STEAP1B: variants seen among roughly 807,000 people sequenced by gnomAD.
The protein encoded by STEAP1B is STEAP family protein MGC87042.
In STEAP1B, 13 loss-of-function variants were observed where a neutral mutation model predicts 27.9. The observed-to-expected ratio is 0.47, with a 90% CI of 0.30 to 0.74. The LOEUF is 0.74. Ranked by LOEUF, STEAP1B falls within the 30% of genes least tolerant of loss-of-function variation. STEAP1B has a pLI of 0.06. For synonymous variants in STEAP1B, 86 were observed against 107.1 expected (o/e 0.80, Z 1.22); for missense variants, 250 against 298.7 (o/e 0.84, Z 1.20).
rs569114359 is a variant in STEAP1B, at chr7:22,444,967, G to A, written c.763-25131C>T. On this transcript the variant is annotated intron_variant, in intron 4 of 4. Transcript: ENST00000678116. ...ACCAGAGCGAGCTCTGGGTCTGTCC[G>A]CGTGGCACAAGGAGAGCTGTTAGAT... is the stretch of plus-strand genomic sequence containing the variant. Among the ~76,000 whole-genome samples the A allele has an allele frequency of 6.6e-5, 10 of 152,278 alleles. No homozygotes were observed. In the South Asian group the frequency reaches 1.9e-3, roughly 28 times the overall value.
chr7:22,424,882 C>T (rs1785086729), intron 4 of STEAP1B, among the ~76,000 whole-genome samples: 1 of 95,224 alleles, frequency 1.1e-5, no homozygotes, highest in Non-Finnish European at 2.2e-5. Flanking sequence ...CACCAGAGTA[C>T]AAATTGTTAA....
chr7:22,474,346 C>A (rs1583649004), intron 4 of STEAP1B, among the ~76,000 whole-genome samples: 1 of 152,162 alleles, frequency 6.6e-6, no homozygotes, highest in Non-Finnish European at 1.5e-5. Flanking sequence ...CTGGTACCTA[C>A]CTGCAGAGAT....
At chr7:22,494,945 T>C (rs1409440771) in intron 1 of STEAP1B, 59 bp from the exon 2 acceptor site, 34 of 882,476 alleles carry the variant, frequency 3.9e-5, no homozygotes, top group Middle Eastern at 5.2e-4. Flanking sequence ...GAATGTCTGA[T>C]GTAACAATAT....
intron 4 of STEAP1B, among the ~76,000 whole-genome samples, chr7:22,456,447 C>G (rs534706722): frequency 6.6e-6 from 1 of 152,292 alleles, no homozygotes; most frequent in East Asian, 1.9e-4. Flanking sequence ...AAAGCAGGAG[C>G]CAACCATTCT....
intron 4 of STEAP1B, among the ~76,000 whole-genome samples, chr7:22,444,067 G>A (rs1371461596): frequency 6.6e-6 from 1 of 152,188 alleles, no homozygotes; most frequent in Admixed American, 6.5e-5. Flanking sequence ...AGAGCCAGTG[G>A]GCCTGTCTCT....
chr7:22,437,839 ACT>A (rs1256955105), intron 4 of STEAP1B, among the ~76,000 whole-genome samples: 10 of 152,060 alleles, frequency 6.6e-5, no homozygotes, highest in African/African-American at 2.4e-4. Context: ...AATTTGCGTA[ACT>A]CTGATAATTA....
At chr7:22,456,973 T>TATATATATATATATA (rs1554285707) in intron 4 of STEAP1B, among the ~76,000 whole-genome samples, 6 of 59,260 alleles carry the variant, frequency 1.0e-4, no homozygotes, top group African/African-American at 2.3e-4. Context: ...TATATATATA[T>TATATATATATATATA]TTTTTTTTTT....
intron 4 of STEAP1B, among the ~76,000 whole-genome samples, chr7:22,462,657 G>C: frequency 6.8e-6 from 1 of 147,912 alleles, no homozygotes; most frequent in Middle Eastern, 3.2e-3. Context: ...TTGGTTCCAA[G>C]TCTTTGCTAT....
chr7:22,466,122 T>C (rs1407458867), intron 4 of STEAP1B, among the ~76,000 whole-genome samples: 1 of 152,216 alleles, frequency 6.6e-6, no homozygotes, highest in Non-Finnish European at 1.5e-5. Flanking sequence ...AGGTCACACC[T>C]ATAATTGAAC....
At chr7:22,474,276 G>T (rs529734777) in intron 4 of STEAP1B, among the ~76,000 whole-genome samples, 1 of 152,300 alleles carries the variant, frequency 6.6e-6, no homozygotes, top group East Asian at 1.9e-4. Context: ...GACTTCAGTG[G>T]TTCTCATCCT....
intron 4 of STEAP1B, among the ~76,000 whole-genome samples, chr7:22,460,925 A>G (rs573626848): frequency 6.6e-6 from 1 of 152,328 alleles, no homozygotes; most frequent in East Asian, 1.9e-4. Flanking sequence ...TTAAAGGAGA[A>G]ATACTTAAAG....
intron 4 of STEAP1B, among the ~76,000 whole-genome samples, chr7:22,467,341 G>A (rs904387803): frequency 9.2e-5 from 14 of 152,206 alleles, no homozygotes; most frequent in Admixed American, 2.0e-4. Flanking sequence ...TTACAAGTCA[G>A]AACAGTGGGT....
intron 1 of STEAP1B, among the ~76,000 whole-genome samples, chr7:22,496,749 T>C (rs1374262068): frequency 6.6e-6 from 1 of 152,202 alleles, no homozygotes; most frequent in Non-Finnish European, 1.5e-5. Context: ...AAGTACACTC[T>C]ATGATGTTTC....
At chr7:22,459,235 G>A (rs188795508) in intron 4 of STEAP1B, among the ~76,000 whole-genome samples, 10 of 152,328 alleles carry the variant, frequency 6.6e-5, no homozygotes, top group African/African-American at 2.2e-4. Flanking sequence ...TCTATCAAAG[G>A]ATAGGCCTCA....
At chr7:22,441,427 C>T (rs984318847) in intron 4 of STEAP1B, among the ~76,000 whole-genome samples, 4 of 152,214 alleles carry the variant, frequency 2.6e-5, no homozygotes, top group African/African-American at 9.6e-5. Flanking sequence ...GTTGAACATT[C>T]TAATTACCCC....
intron 4 of STEAP1B, among the ~76,000 whole-genome samples, chr7:22,420,333 G>T (rs896048015): frequency 6.6e-6 from 1 of 152,176 alleles, no homozygotes; most frequent in African/African-American, 2.4e-5. Context: ...CAGCCTGGGG[G>T]ATGATAAAGC....
chr7:22,493,107 AAAGTTGT>A (rs1385129789), intron 3 of STEAP1B, among the ~76,000 whole-genome samples: 2 of 152,236 alleles, frequency 1.3e-5, no homozygotes, highest in African/African-American at 2.4e-5. Context: ...TTATGTTGCT[AAAGTTGT>A]ACCTTATTTT....
intron 4 of STEAP1B, among the ~76,000 whole-genome samples, chr7:22,472,522 A>C (rs982143915): frequency 6.6e-6 from 1 of 152,238 alleles, no homozygotes; most frequent in East Asian, 1.9e-4. Flanking sequence ...TTGAGAGTTA[A>C]GTCTTTAGAA....
intron 4 of STEAP1B, among the ~76,000 whole-genome samples, chr7:22,424,737 A>C (rs1400966723): frequency 6.6e-6 from 1 of 152,198 alleles, no homozygotes; most frequent in East Asian, 1.9e-4. Flanking sequence ...AGGGAACTAC[A>C]TGTCTCATTA....
Sources: gnomAD v4.1 joint callset for allele counts (sites outside exome capture counted in the v4.1 genomes callset) on GRCh38, gnomAD v4.1.1 for gene constraint, MANE v1.5 for transcripts, NCBI Gene and HGNC (gene_info 2026-07-23, HGNC 2026-07-21) for gene names.